Variants in ERC2 observed in about 807,000 individuals in gnomAD.
ERC2 encodes the protein ELKS/RAB6-interacting/CAST family member 2, also known as ERC protein 2.
A neutral mutation model predicts 114.8 loss-of-function variants in ERC2; 42 were observed. That is an observed-to-expected ratio of 0.37 (90% CI 0.29 to 0.47). The LOEUF (loss-of-function observed/expected upper bound fraction) is 0.47. ERC2 is among the 20% of genes least tolerant of loss of function. The pLI, the probability that ERC2 is intolerant of heterozygous loss-of-function variation, is 0.99. For missense variants in ERC2, 939 were observed against 1,150.7 expected (o/e 0.82, Z 2.66); for synonymous variants, 454 against 425.5 (o/e 1.07, Z -0.82).
At chr3:56,447,216 C>G (rs2062617110) in intron 1 of ERC2, among the ~76,000 whole-genome samples, 1 of 152,242 alleles carries the variant, frequency 6.6e-6, no homozygotes, top group Non-Finnish European at 1.5e-5. Context: ...CCTTCCCTTG[C>G]AGGACCACAG....
chr3:56,241,522 A>C (rs183471896), intron 3 of ERC2, among the ~76,000 whole-genome samples: 361 of 152,332 alleles, frequency 2.4e-3, no homozygotes, highest in Admixed American at 4.1e-3. Context: ...ACTACCATTC[A>C]ACCCAGCAAA....
intron 14 of ERC2, among the ~76,000 whole-genome samples, chr3:55,831,759 C>G (rs570933454): frequency 6.6e-6 from 1 of 152,138 alleles, no homozygotes; most frequent in African/African-American, 2.4e-5. Context: ...GGGTGCAGGA[C>G]AGTGGGTACA....
chr3:56,086,657 A>G (rs1304526231), intron 6 of ERC2, among the ~76,000 whole-genome samples: 1 of 152,266 alleles, frequency 6.6e-6, no homozygotes, highest in South Asian at 2.1e-4. Context: ...TGGATGCACC[A>G]AAGTTTAAAT....
intron 3 of ERC2, among the ~76,000 whole-genome samples, chr3:56,284,644 CAACCTTTACTGTAAAATA>C (rs2054559818): frequency 6.6e-6 from 1 of 152,104 alleles, no homozygotes; most frequent in Admixed American, 6.5e-5. Flanking sequence ...GCAGGGATGA[CAACCTTTACTGTAAAATA>C]AAACTGCCAA....
intron 17 of ERC2, among the ~76,000 whole-genome samples, chr3:55,663,647 C>A (rs573239203): frequency 2.0e-5 from 3 of 152,188 alleles, no homozygotes; most frequent in Non-Finnish European, 4.4e-5. Context: ...GAAAGGGAGG[C>A]AGAATGTGGC....
intron 14 of ERC2, chr3:55,766,941 A>G (rs1168657281): frequency 1.3e-5 from 2 of 152,230 alleles, no homozygotes; most frequent in East Asian, 1.9e-4. Flanking sequence ...CTTCCCTCTT[A>G]TCATGTTCTT....
intron 17 of ERC2, among the ~76,000 whole-genome samples, chr3:55,526,757 C>T (rs574988802): frequency 2.6e-5 from 4 of 152,194 alleles, no homozygotes; most frequent in African/African-American, 7.2e-5. Flanking sequence ...GACTCGTCCC[C>T]GGGCCAGGGT....
intron 2 of ERC2, among the ~76,000 whole-genome samples, chr3:56,337,835 T>C (rs1015747354): frequency 2.6e-5 from 4 of 152,142 alleles, no homozygotes; most frequent in African/African-American, 9.7e-5. Flanking sequence ...AGCCAAAAAC[T>C]GGAGACAACC....
chr3:55,931,133 G>C (rs918849618), intron 13 of ERC2, among the ~76,000 whole-genome samples: 3 of 152,208 alleles, frequency 2.0e-5, no homozygotes, highest in Admixed American at 2.0e-4. Context: ...GAGAAATAGG[G>C]AGGCTTTTAC....
intron 17 of ERC2, among the ~76,000 whole-genome samples, chr3:55,604,764 C>T (rs1264621913): frequency 6.6e-6 from 1 of 152,194 alleles, no homozygotes; most frequent in Non-Finnish European, 1.5e-5. Flanking sequence ...TGAATTTATG[C>T]CTTATGCCCT....
At chr3:56,446,624 T>G (rs199864861) in intron 1 of ERC2, among the ~76,000 whole-genome samples, 3 of 106,370 alleles carry the variant, frequency 2.8e-5, no homozygotes, top group Non-Finnish European at 3.9e-5. Context: ...TTTTTTTTTT[T>G]CTTTCTTTTT....
chr3:55,672,796 G>T (rs984348072), intron 17 of ERC2, among the ~76,000 whole-genome samples: 1 of 152,082 alleles, frequency 6.6e-6, no homozygotes, highest in Non-Finnish European at 1.5e-5. Flanking sequence ...ATCCTTCCCT[G>T]TCCCCAGTCC....
chr3:56,074,660 T>C (rs2076891329), intron 7 of ERC2, among the ~76,000 whole-genome samples: 1 of 152,116 alleles, frequency 6.6e-6, no homozygotes, highest in Non-Finnish European at 1.5e-5. Flanking sequence ...TTCATCCCTT[T>C]TTACCTTCCT....
intron 2 of ERC2, among the ~76,000 whole-genome samples, chr3:56,373,066 T>C (rs186618607): frequency 1.8e-4 from 27 of 152,402 alleles, no homozygotes; most frequent in Non-Finnish European, 3.2e-4. Flanking sequence ...TAAATTCTTT[T>C]AGTGCTTCAA....
At chr3:55,566,142 C>A (rs931630483) in intron 17 of ERC2, among the ~76,000 whole-genome samples, 2 of 152,164 alleles carry the variant, frequency 1.3e-5, no homozygotes, top group African/African-American at 4.8e-5. Context: ...CTACTTGGTC[C>A]TAACAGTGTG....
At chr3:55,567,931 C>A (rs1292306593) in intron 17 of ERC2, among the ~76,000 whole-genome samples, 1 of 152,130 alleles carries the variant, frequency 6.6e-6, no homozygotes, top group East Asian at 1.9e-4. Context: ...GATGGCTTCC[C>A]TCTTTGGGCC....
chr3:56,110,976 A>T (rs1381250023), intron 6 of ERC2, among the ~76,000 whole-genome samples: 1 of 152,032 alleles, frequency 6.6e-6, no homozygotes, highest in African/African-American at 2.4e-5. Flanking sequence ...TGTTGGCCTG[A>T]TCACTGTCTC....
Position 56,433,203 on chromosome 3 carries a change from AGAG to A in ERC2, c.657+1145_657+1147del, listed in dbSNP as rs1195231178. Among the ~76,000 whole-genome samples the A allele has an allele frequency of 5.9e-4, 87 of 146,576 alleles. 1 individual carries two copies. The East Asian group carries it at 0.015, about 25-fold the overall frequency. ...TAAAAAAAAAAAAAAAGAGAGAGAG[AGAG>A]AGAGAGAGCAAGAGATGAAGCTGGA... On this transcript the variant is annotated intron_variant, in intron 2 of 17. Transcript: ENST00000288221.
At chr3:55,547,438 G>T (rs1453954523) in intron 17 of ERC2, among the ~76,000 whole-genome samples, 1 of 152,234 alleles carries the variant, frequency 6.6e-6, no homozygotes, top group Admixed American at 6.5e-5. Flanking sequence ...GGCTTTGAAA[G>T]GCTGCCATTG....
Sources: allele counts gnomAD v4.1 joint callset (sites outside exome capture counted in the v4.1 genomes callset), GRCh38; gene constraint gnomAD v4.1.1; transcripts MANE v1.5; gene names NCBI Gene and HGNC (gene_info 2026-07-23, HGNC 2026-07-21).